HPSE2: variants seen among roughly 807,000 people sequenced by gnomAD.
The protein encoded by HPSE2 is inactive heparanase-2.
A neutral mutation model predicts 60.5 loss-of-function variants in HPSE2; 38 were observed. That is an observed-to-expected ratio of 0.63 (90% CI 0.48 to 0.82). HPSE2 has a LOEUF of 0.82. HPSE2 is among the 40% of genes least tolerant of loss of function. HPSE2 has a pLI of 0.00. For missense variants in HPSE2, 713 were observed against 740.4 expected (o/e 0.96, Z 0.43); for synonymous variants, 295 against 293.2 (o/e 1.01, Z -0.06).
intron 6 of HPSE2, among the ~76,000 whole-genome samples, chr10:98,680,891 G>T (rs1343127587): frequency 2.0e-5 from 3 of 152,006 alleles, no homozygotes; most frequent in African/African-American, 7.2e-5. Context: ...GAATAACTGG[G>T]ACTACAGGTG....
the HPSE2 span, among the ~76,000 whole-genome samples, chr10:99,294,699 C>T: frequency 4.6e-5 from 7 of 151,582 alleles, no homozygotes; most frequent in Non-Finnish European, 7.4e-5. Context: ...TTTGGGAGGC[C>T]GAGGCCGGTA....
intron 2 of HPSE2, among the ~76,000 whole-genome samples, chr10:99,167,001 TTTTG>T (rs554070927): frequency 7.3e-4 from 110 of 150,228 alleles, no homozygotes; most frequent in Middle Eastern, 3.4e-3. Context: ...TTTCTTTCCT[TTTTG>T]TTTGTTTGTT....
chr10:98,585,333 G>A (rs534864316), intron 9 of HPSE2, among the ~76,000 whole-genome samples: 4 of 150,598 alleles, frequency 2.7e-5, no homozygotes, highest in East Asian at 2.0e-4. Flanking sequence ...GTACAGTGGC[G>A]TGATCTTGGC....
intron 11 of HPSE2, among the ~76,000 whole-genome samples, chr10:98,468,291 C>A (rs1940635540): frequency 6.6e-6 from 1 of 152,180 alleles, no homozygotes; most frequent in African/African-American, 2.4e-5. Context: ...AGAAGTGGCC[C>A]CTGCAGGTGG....
intron 2 of HPSE2, among the ~76,000 whole-genome samples, chr10:99,220,797 G>C (rs577030678): frequency 7.1e-6 from 1 of 139,878 alleles, no homozygotes; most frequent in East Asian, 2.3e-4. Context: ...AACAGAGTGA[G>C]ACTCCGTCTC....
rs535551776 is a variant in HPSE2 at position 98,974,811 on chromosome 10, C to T, written c.610+169427G>A. Among the ~76,000 whole-genome samples the T allele has an allele frequency of 5.3e-5, 8 of 152,248 alleles. No homozygotes were observed. In the South Asian group the frequency reaches 1.7e-3, roughly 32 times the overall value. ...TCCCTTTTGTTGTTAATAAATACCT[C>T]TCCATAAGCAACACTAACTAAAGAT... On this transcript the variant is annotated intron_variant, in intron 3 of 11. Transcript: ENST00000370552.
chr10:98,816,451 G>A (rs962121190), intron 3 of HPSE2, among the ~76,000 whole-genome samples: 1 of 152,000 alleles, frequency 6.6e-6, no homozygotes, highest in African/African-American at 2.4e-5. Context: ...TTGTGTTGTC[G>A]AGTACATTAT....
At chr10:98,629,779 G>T (rs1179631243) in intron 7 of HPSE2, among the ~76,000 whole-genome samples, 1 of 152,104 alleles carries the variant, frequency 6.6e-6, no homozygotes, top group African/African-American at 2.4e-5. Flanking sequence ...TGATCAGCTG[G>T]GAGATGTGCT....
chr10:98,683,794 A>C (rs2134142827), intron 6 of HPSE2, among the ~76,000 whole-genome samples: 1 of 152,228 alleles, frequency 6.6e-6, no homozygotes, highest in African/African-American at 2.4e-5. Context: ...CCCTAAACTG[A>C]AGGGCACTAA....
intron 3 of HPSE2, among the ~76,000 whole-genome samples, chr10:98,756,457 A>C (rs1343149086): frequency 6.6e-6 from 1 of 152,136 alleles, no homozygotes; most frequent in Admixed American, 6.5e-5. Context: ...GAAGATCCAA[A>C]TAAACACAAT....
intron 3 of HPSE2, among the ~76,000 whole-genome samples, chr10:98,916,855 A>C (rs1954132495): frequency 6.6e-6 from 1 of 152,150 alleles, no homozygotes; most frequent in African/African-American, 2.4e-5. Context: ...ATTTCCTTTT[A>C]ATCAGCCTCA....
chr10:98,967,244 T>C (rs1008969225), intron 3 of HPSE2, among the ~76,000 whole-genome samples: 4 of 152,240 alleles, frequency 2.6e-5, no homozygotes, highest in African/African-American at 9.6e-5. Flanking sequence ...TGCTACCATA[T>C]TAGCCCCACC....
chr10:98,893,484 T>C (rs1487033928), intron 3 of HPSE2, among the ~76,000 whole-genome samples: 2 of 152,206 alleles, frequency 1.3e-5, no homozygotes, highest in South Asian at 4.1e-4. Context: ...TGTGTTAACA[T>C]CTGCATTTAT....
At chr10:98,986,049 T>A (rs1035646198) in intron 3 of HPSE2, among the ~76,000 whole-genome samples, 37 of 152,234 alleles carry the variant, frequency 2.4e-4, no homozygotes, top group Middle Eastern at 6.8e-3. Flanking sequence ...AATGGGAGAC[T>A]TTAACACCCC....
At chr10:98,958,353 C>G (rs187627009) in intron 3 of HPSE2, among the ~76,000 whole-genome samples, 109 of 151,420 alleles carry the variant, frequency 7.2e-4, no homozygotes, top group South Asian at 2.5e-3. Context: ...AAACAGATAA[C>G]AAGGTTAAAA....
intron 2 of HPSE2, among the ~76,000 whole-genome samples, chr10:99,174,992 C>T (rs1847466975): frequency 6.6e-6 from 1 of 152,164 alleles, no homozygotes; most frequent in African/African-American, 2.4e-5. Context: ...AGTGTTGCCT[C>T]ACCCAGAAAC....
chr10:99,104,746 G>A (rs1244833192), intron 3 of HPSE2, among the ~76,000 whole-genome samples: 1 of 152,128 alleles, frequency 6.6e-6, no homozygotes, highest in African/African-American at 2.4e-5. Context: ...AAAAGGATGA[G>A]TTCATGTGCT....
chr10:98,796,826 CAG>C (rs1444176166), intron 3 of HPSE2, among the ~76,000 whole-genome samples: 3 of 152,194 alleles, frequency 2.0e-5, no homozygotes, highest in African/African-American at 7.2e-5. Context: ...TCAGTACAGA[CAG>C]AGAGAGACTA....
intron 6 of HPSE2, among the ~76,000 whole-genome samples, chr10:98,650,134 G>A (rs1946878419): frequency 6.6e-6 from 1 of 152,204 alleles, no homozygotes; most frequent in South Asian, 2.1e-4. Flanking sequence ...GTAGATGTAG[G>A]TGTTTTTCAC....
Sources: allele counts gnomAD v4.1 joint callset (sites outside exome capture counted in the v4.1 genomes callset), GRCh38; gene constraint gnomAD v4.1.1; transcripts MANE v1.5; gene names NCBI Gene and HGNC (gene_info 2026-07-23, HGNC 2026-07-21).